The following NSUN6 variants were observed in gnomAD, a reference collection of about 807,000 sequenced individuals.
The protein encoded by NSUN6 is tRNA (cytosine(72)-C(5))-methyltransferase NSUN6.
NSUN6 carries 64 observed loss-of-function variants against 58.0 expected under a neutral mutation model. The observed-to-expected ratio is 1.10, with a 90% CI of 0.90 to 1.36. The LOEUF (loss-of-function observed/expected upper bound fraction) is 1.36. NSUN6 is among the 40% of genes most tolerant of loss of function. NSUN6 has a pLI of 0.00. For synonymous variants in NSUN6, 231 were observed against 193.9 expected (o/e 1.19, Z -1.59); for missense variants, 701 against 550.1 (o/e 1.27, Z -2.74).
chr10:18,599,787 T>C (rs568985313), intron 6 of NSUN6, among the ~76,000 whole-genome samples: 8 of 152,202 alleles, frequency 5.3e-5, no homozygotes, highest in Middle Eastern at 3.2e-3. Context: ...AATTAAAAAA[T>C]TCAGTTTCAG....
At chr10:18,658,705 C>T, upstream of NSUN6, 1 of 966,210 alleles carries the variant, frequency 1.0e-6, no homozygotes, top group Non-Finnish European at 1.2e-6. Flanking sequence ...CTTTTCAGAA[C>T]TAAGAATCAC....
intron 3 of NSUN6, among the ~76,000 whole-genome samples, chr10:18,627,729 G>C (rs2058868233): frequency 6.6e-6 from 1 of 152,268 alleles, no homozygotes; most frequent in African/African-American, 2.4e-5. Context: ...AGCACCAGGA[G>C]ACTATATCCC....
intron 5 of NSUN6, among the ~76,000 whole-genome samples, chr10:18,613,372 C>T (rs1172143105): frequency 6.6e-6 from 1 of 152,166 alleles, no homozygotes; most frequent in African/African-American, 2.4e-5. Flanking sequence ...GCTGGAATTA[C>T]AGGAGTGAGC....
At chr10:18,656,404 G>C (rs1456551122), upstream of NSUN6, among the ~76,000 whole-genome samples, 1 of 152,174 alleles carries the variant, frequency 6.6e-6, no homozygotes, top group Non-Finnish European at 1.5e-5. Flanking sequence ...GGGCATGGTG[G>C]TGCATGCCTG....
chr10:18,551,923 G>A lies in NSUN6; in HGVS notation c.971C>T (p.Ala324Val). 1 of 1,608,642 alleles carries A rather than the reference G, an allele frequency of 6.2e-7. No individual in the cohort carries two copies. Among genetic ancestry groups the A allele is most frequent in the Non-Finnish European group, 8.5e-7 (1 of 1,175,436 alleles). The stretch of plus-strand genomic sequence containing the variant: ...TCTCTGTCCCATTCCACTACAGGGT[G>A]CATCCAGAAGAATTCGGTCAAAGGA... ...PESFDRILLDAPCSGMGQRPN... is the reference protein window; with the variant it reads ...PESFDRILLDVPCSGMGQRPN... Residue 324 changes from alanine to valine, a missense_variant, in exon 9 of 11, where the codon GCA (alanine) becomes GTA (valine). Transcript: ENST00000377304.
intron 3 of NSUN6, among the ~76,000 whole-genome samples, chr10:18,622,265 A>G (rs1253235322): frequency 6.6e-6 from 1 of 152,208 alleles, no homozygotes; most frequent in Non-Finnish European, 1.5e-5. Context: ...TGCTTTCTGC[A>G]ATGTGAGAAT....
chr10:18,590,023 C>T (rs774370277), intron 7 of NSUN6, among the ~76,000 whole-genome samples: 4 of 152,080 alleles, frequency 2.6e-5, no homozygotes, highest in Non-Finnish European at 5.9e-5. Flanking sequence ...ATCTCATGTG[C>T]AAAGACACAC....
chr10:18,552,412 C>T (rs565020385), intron 8 of NSUN6, among the ~76,000 whole-genome samples: 10 of 152,238 alleles, frequency 6.6e-5, no homozygotes, highest in African/African-American at 2.2e-4. Flanking sequence ...GTTTCTGTGG[C>T]CATGAGAATG....
Position 18,651,131 on chromosome 10 carries a change from C to T in NSUN6, c.73G>A (p.Glu25Lys), listed in dbSNP as rs752804423. ...NYLKEGFMNK[E>K]IVTALGKQEA... is the part of the protein sequence containing the mutation. ...ACTAACATCTTTACTTGACCTACCT[C>T]CTTATTCATAAAGCCTTCCTTAAGA... The change falls in exon 1 of 11, where the codon GAG becomes AAG. Residue 25 changes from glutamate (E) to lysine (K), a missense_variant and splice_region_variant. Transcript: ENST00000377304. 6.4e-7 allele frequency: 1 copy of T among 1,572,586 alleles called. No homozygotes were observed. The highest frequency in any genetic ancestry group is 8.6e-7 in the Non-Finnish European group (1 of 1,168,454).
At chr10:18,637,391 A>G (rs1462601988) in intron 3 of NSUN6, among the ~76,000 whole-genome samples, 1 of 152,244 alleles carries the variant, frequency 6.6e-6, no homozygotes, top group Non-Finnish European at 1.5e-5. Flanking sequence ...CTAGATCACT[A>G]CAAAGAACAG....
chr10:18,653,252 T>C, upstream of NSUN6: 15 of 984,008 alleles, frequency 1.5e-5, no homozygotes, highest in Non-Finnish European at 1.8e-5. Flanking sequence ...AAATACTTAC[T>C]GAATGACTAA....
At chr10:18,553,960 G>GGAATGGAATGGAATCGACAATGCA in intron 8 of NSUN6, among the ~76,000 whole-genome samples, 1 of 151,348 alleles carries the variant, frequency 6.6e-6, no homozygotes, top group African/African-American at 2.4e-5. Context: ...AGAATGGAAG[G>GGAATGGAATGGAATCGACAATGCA]GAATGGAATG....
chr10:18,651,724 T>TACGCC (rs1384738701), upstream of NSUN6: 10 of 985,638 alleles, frequency 1.0e-5, no homozygotes, highest in South Asian at 1.9e-4. Context: ...TGCGTTACGC[T>TACGCC]ACGCCACGCC....
At chr10:18,625,148 T>G (rs1465049955) in intron 3 of NSUN6, among the ~76,000 whole-genome samples, 1 of 152,294 alleles carries the variant, frequency 6.6e-6, no homozygotes, top group East Asian at 1.9e-4. Context: ...ATGCCTCTTT[T>G]CCCTTGCTGG....
rs115850490 is a variant in NSUN6 at position 18,559,709 on chromosome 10, G to A, written c.923-7738C>T. Among the ~76,000 whole-genome samples, 566 of 150,850 alleles carry A rather than the reference G, an allele frequency of 3.8e-3. 2 individuals are homozygous for A. Among genetic ancestry groups the A allele is most frequent in the African/African-American group, 0.013 (550 of 40,988 alleles). On this transcript the variant is annotated intron_variant, in intron 8 of 10. Coordinates refer to ENST00000377304, the MANE Select transcript of NSUN6 (RefSeq NM_182543.5). ...GCATTGGAATATGGAATGCAATGAA[G>A]AATGAAATGGAATGGACAATGGAAT...
Position 18,621,313 on chromosome 10 carries a change from T to A in NSUN6, c.312-5020A>T, listed in dbSNP as rs547732489. 5.3e-4 allele frequency among the ~76,000 whole-genome samples: 81 copies of A among 152,286 alleles called. No individual in the cohort carries two copies. The South Asian group carries it at 6.4e-3, about 12-fold the overall frequency. On this transcript the variant is annotated intron_variant, in intron 3 of 10. Transcript: ENST00000377304. ...AGGACTCTGGAAGCTTGTGATGGTT[T>A]TCCCTTTGCTGATTGTGCTTCATAT...
At chr10:18,629,384 G>C (rs2058946388) in intron 3 of NSUN6, among the ~76,000 whole-genome samples, 1 of 151,710 alleles carries the variant, frequency 6.6e-6, no homozygotes, top group Middle Eastern at 3.2e-3. Flanking sequence ...ATAATGACAG[G>C]ATCAAATTCA....
intron 3 of NSUN6, among the ~76,000 whole-genome samples, chr10:18,634,574 A>G (rs145031767): frequency 0.023 from 3,460 of 149,712 alleles, 57 homozygotes; most frequent in Non-Finnish European, 0.038. Flanking sequence ...ACATGGTGAA[A>G]CCACATCTCT....
upstream of NSUN6, chr10:18,655,146 G>A (rs757666055): frequency 4.1e-5 from 40 of 983,096 alleles, no homozygotes; most frequent in African/African-American, 3.3e-4. Flanking sequence ...TAAATCCCTC[G>A]CTGCTTTATC....
Sources: gnomAD v4.1 joint callset for allele counts (sites outside exome capture counted in the v4.1 genomes callset) on GRCh38, gnomAD v4.1.1 for gene constraint, MANE v1.5 for transcripts, NCBI Gene and HGNC (gene_info 2026-07-23, HGNC 2026-07-21) for gene names.